The following CAMTA1 variants were observed in gnomAD, a reference collection of about 807,000 sequenced individuals.
The protein encoded by CAMTA1 is calmodulin-binding transcription activator 1.
CAMTA1 carries 27 observed loss-of-function variants against 170.9 expected under a neutral mutation model. That is an observed-to-expected ratio of 0.16 (90% CI 0.12 to 0.22). The LOEUF (loss-of-function observed/expected upper bound fraction) is 0.22. Ranked by LOEUF, CAMTA1 falls within the 10% of genes least tolerant of loss-of-function variation. CAMTA1 has a pLI of 1.00. For missense variants in CAMTA1, 1,619 were observed against 2,217.2 expected, an observed-to-expected ratio of 0.73 and a Z score of 5.42; for synonymous variants, 833 against 891.5, an observed-to-expected ratio of 0.93 and a Z score of 1.17.
At chr1:7,222,340 C>T (rs1660941381) in intron 4 of CAMTA1, among the ~76,000 whole-genome samples, 1 of 152,180 alleles carries the variant, frequency 6.6e-6, no homozygotes, top group African/African-American at 2.4e-5. Context: ...TCTTCTGTCT[C>T]AATGCACCTG....
At chr1:7,310,594 CT>C in intron 5 of CAMTA1, among the ~76,000 whole-genome samples, 1 of 94,472 alleles carries the variant, frequency 1.1e-5, no homozygotes, top group Non-Finnish European at 2.0e-5. Flanking sequence ...TTTTTCTTTT[CT>C]TTTCTTTTCT....
At chr1:7,101,703 G>T (rs145043016) in intron 4 of CAMTA1, among the ~76,000 whole-genome samples, 2 of 152,206 alleles carry the variant, frequency 1.3e-5, no homozygotes, top group East Asian at 3.9e-4. Context: ...GCGTGCTGTG[G>T]CACATAGAAC....
At chr1:6,829,149 C>T (rs1359088516) in intron 3 of CAMTA1, among the ~76,000 whole-genome samples, 2 of 152,046 alleles carry the variant, frequency 1.3e-5, no homozygotes, top group African/African-American at 2.4e-5. Context: ...GTGATCTACC[C>T]GCTTCAGCCT....
At chr1:7,066,322 GC>G (rs1708955186) in intron 3 of CAMTA1, among the ~76,000 whole-genome samples, 1 of 152,176 alleles carries the variant, frequency 6.6e-6, no homozygotes. Flanking sequence ...TCTCAGGTGG[GC>G]TGGCTATGCA....
intron 3 of CAMTA1, among the ~76,000 whole-genome samples, chr1:6,883,124 C>T (rs1025260772): frequency 6.6e-5 from 10 of 152,232 alleles, no homozygotes; most frequent in African/African-American, 1.9e-4. Flanking sequence ...GATCCCCTGA[C>T]TTCAAGTGAT....
intron 1 of CAMTA1, among the ~76,000 whole-genome samples, chr1:6,817,786 C>T (rs946311128): frequency 1.3e-5 from 2 of 152,184 alleles, no homozygotes; most frequent in Non-Finnish European, 2.9e-5. Context: ...GCGTGAGCCA[C>T]TGTGCCTAGC....
intron 3 of CAMTA1, among the ~76,000 whole-genome samples, chr1:7,030,213 A>G (rs1360435564): frequency 6.6e-6 from 1 of 152,218 alleles, no homozygotes; most frequent in Non-Finnish European, 1.5e-5. Flanking sequence ...AGACAAAAAT[A>G]GTATATTTTT....
chr1:6,825,537 T>C (rs1647006746), intron 3 of CAMTA1, among the ~76,000 whole-genome samples: 1 of 152,250 alleles, frequency 6.6e-6, no homozygotes, highest in Non-Finnish European at 1.5e-5. Context: ...TTAGTTGTTA[T>C]GTCTTCATGA....
chr1:7,571,801 G>A (rs2095129680), intron 6 of CAMTA1, among the ~76,000 whole-genome samples: 1 of 152,166 alleles, frequency 6.6e-6, no homozygotes, highest in Non-Finnish European at 1.5e-5. Flanking sequence ...GTGAACATAT[G>A]CATGCGTGTG....
At chr1:6,851,178 T>G (rs1031348482) in intron 3 of CAMTA1, among the ~76,000 whole-genome samples, 1 of 152,122 alleles carries the variant, frequency 6.6e-6, no homozygotes, top group Admixed American at 6.5e-5. Flanking sequence ...GTAAGGTATG[T>G]AGTATGTTTA....
intron 11 of CAMTA1, among the ~76,000 whole-genome samples, chr1:7,731,591 A>C (rs2096734018): frequency 6.6e-6 from 1 of 151,842 alleles, no homozygotes. Context: ...AAAAAAAGAA[A>C]AGAAAGAAAT....
Position 7,702,064 on chromosome 1 carries a change from T to TG in CAMTA1, c.2914+24332dup, listed in dbSNP as rs534192945. 1.1e-4 allele frequency among the ~76,000 whole-genome samples: 17 copies of TG among 151,454 alleles called. No individual in the cohort carries two copies. The South Asian group carries it at 3.4e-3, about 30-fold the overall frequency. On this transcript the variant is annotated intron_variant, in intron 11 of 22. Coordinates refer to ENST00000303635, the MANE Select transcript of CAMTA1 (RefSeq NM_015215.4). ...GAAGCCTCCTGCTCCTGTGGTGCAG[T>TG]GAGTGGCAGGCACTCCAGGAGAAGA...
chr1:7,708,960 G>A (rs555048227), intron 11 of CAMTA1, among the ~76,000 whole-genome samples: 7 of 151,826 alleles, frequency 4.6e-5, no homozygotes, highest in South Asian at 2.1e-4. Context: ...TTCAGCTTTC[G>A]TGTTTCACCT....
chr1:6,858,308 A>G (rs1663197325), intron 3 of CAMTA1, among the ~76,000 whole-genome samples: 1 of 152,168 alleles, frequency 6.6e-6, no homozygotes. Context: ...AGAACTACTT[A>G]TCCTTAGGGA....
chr1:7,255,474 T>C (rs1667227499), intron 5 of CAMTA1, among the ~76,000 whole-genome samples: 1 of 152,122 alleles, frequency 6.6e-6, no homozygotes. Flanking sequence ...CCACATTGTC[T>C]TAGCCTCATA....
chr1:7,311,751 C>G (rs1410926475), intron 5 of CAMTA1, among the ~76,000 whole-genome samples: 1 of 152,146 alleles, frequency 6.6e-6, no homozygotes, highest in African/African-American at 2.4e-5. Flanking sequence ...CAGGTGGGTT[C>G]AGGCTGCAGG....
intron 6 of CAMTA1, among the ~76,000 whole-genome samples, chr1:7,595,251 T>C (rs2095390620): frequency 6.6e-6 from 1 of 152,198 alleles, no homozygotes. Context: ...TTTCAGATTA[T>C]CTGAAGCAAG....
chr1:6,877,150 C>T (rs187775211), intron 3 of CAMTA1, among the ~76,000 whole-genome samples: 1 of 152,228 alleles, frequency 6.6e-6, no homozygotes, highest in African/African-American at 2.4e-5. Context: ...TAACTGCCTG[C>T]CTCTAGACAT....
At chr1:7,013,049 C>G (rs569010762) in intron 3 of CAMTA1, among the ~76,000 whole-genome samples, 2 of 148,912 alleles carry the variant, frequency 1.3e-5, no homozygotes, top group Admixed American at 6.8e-5. Context: ...TCCCCTCTCT[C>G]GTCTCCACAC....
Sources: allele counts gnomAD v4.1 joint callset (sites outside exome capture counted in the v4.1 genomes callset), GRCh38; gene constraint gnomAD v4.1.1; transcripts MANE v1.5; gene names NCBI Gene and HGNC (gene_info 2026-07-23, HGNC 2026-07-21).